The following CNGA3 variants were observed in gnomAD, a reference collection of about 807,000 sequenced individuals.
CNGA3 encodes cyclic nucleotide-gated channel alpha-3.
Under a neutral mutation model 46.6 loss-of-function variants are expected in CNGA3, and 42 were observed. The observed-to-expected ratio is 0.90, with a 90% CI of 0.70 to 1.17. The LOEUF is 1.17. Ranked by LOEUF, CNGA3 falls within the 50% of genes most tolerant of loss-of-function variation. The pLI, the probability that CNGA3 is intolerant of heterozygous loss-of-function variation, is 0.00. For missense variants in CNGA3, 893 were observed against 890.7 expected, an observed-to-expected ratio of 1.00 and a Z score of -0.03; for synonymous variants, 394 against 369.4, an observed-to-expected ratio of 1.07 and a Z score of -0.76.
chr2:98,356,104 A>C (rs1417947188), intron 1 of CNGA3: 1 of 152,216 alleles, frequency 6.6e-6, no homozygotes, highest in African/African-American at 2.4e-5. Flanking sequence ...TGCAGTTCTC[A>C]AGCAGGATGG....
intron 1 of CNGA3, among the ~76,000 whole-genome samples, chr2:98,367,591 A>G (rs1692193449): frequency 6.6e-6 from 1 of 152,064 alleles, no homozygotes; most frequent in African/African-American, 2.4e-5. Flanking sequence ...TTTTGCAGGC[A>G]TCTCAAACTG....
At chr2:98,388,672 C>T (rs1237028830) in intron 5 of CNGA3, among the ~76,000 whole-genome samples, 1 of 152,240 alleles carries the variant, frequency 6.6e-6, no homozygotes, top group East Asian at 1.9e-4. Context: ...GTGCCCCCCA[C>T]CCGAAGCATT....
intron 5 of CNGA3, among the ~76,000 whole-genome samples, chr2:98,388,535 A>G (rs144685603): frequency 1.3e-5 from 2 of 152,288 alleles, no homozygotes; most frequent in African/African-American, 4.8e-5. Context: ...GACCATGTGA[A>G]GCCCCCATCT....
At chr2:98,385,287 T>A (rs150804134) in intron 5 of CNGA3, among the ~76,000 whole-genome samples, 123 of 152,328 alleles carry the variant, frequency 8.1e-4, no homozygotes, top group African/African-American at 2.8e-3. Flanking sequence ...AAGACTCCAG[T>A]GCCTGAAAAG....
chr2:98,353,857 G>A (rs990506414), intron 1 of CNGA3, among the ~76,000 whole-genome samples: 1 of 152,182 alleles, frequency 6.6e-6, no homozygotes, highest in African/African-American at 2.4e-5. Context: ...GCACATCATG[G>A]CAGGAGTAGG....
At chr2:98,388,425 G>A (rs1692708567) in intron 5 of CNGA3, among the ~76,000 whole-genome samples, 1 of 152,230 alleles carries the variant, frequency 6.6e-6, no homozygotes. Context: ...GTATCTTGGA[G>A]CAACGCTATC....
intron 2 of CNGA3, among the ~76,000 whole-genome samples, chr2:98,370,876 G>C (rs1692270109): frequency 6.6e-6 from 1 of 152,154 alleles, no homozygotes. Flanking sequence ...CTGTCACCCA[G>C]ACTGGAGTGC....
intron 6 of CNGA3, 40 bp downstream of exon 6, chr2:98,389,814 A>G: frequency 6.5e-7 from 1 of 1,532,098 alleles, no homozygotes; most frequent in Non-Finnish European, 9.0e-7. Context: ...AAAGGGGGAA[A>G]CCAGGGCACC....
intron 1 of CNGA3, among the ~76,000 whole-genome samples, chr2:98,351,891 A>T (rs1691777625): frequency 6.6e-6 from 1 of 152,230 alleles, no homozygotes; most frequent in African/African-American, 2.4e-5. Context: ...TCACCCATTT[A>T]AAATGCACAT....
At chr2:98,358,783 AC>A (rs1691950327) in intron 1 of CNGA3, among the ~76,000 whole-genome samples, 2 of 152,170 alleles carry the variant, frequency 1.3e-5, no homozygotes, top group South Asian at 4.1e-4. Flanking sequence ...TCTTAAACTT[AC>A]ATTTCCCTTT....
intron 4 of CNGA3, among the ~76,000 whole-genome samples, chr2:98,380,815 T>G (rs1393930780): frequency 6.6e-6 from 1 of 152,118 alleles, no homozygotes; most frequent in Non-Finnish European, 1.5e-5. Context: ...TAGGCACGCG[T>G]GCATTTTTCT....
chr2:98,389,883 C>T (rs986361252), intron 6 of CNGA3, 109 bp downstream of exon 6: 21 of 756,740 alleles, frequency 2.8e-5, no homozygotes, highest in African/African-American at 1.4e-4. Context: ...GGACCCCTCA[C>T]GGCCACCACT....
chr2:98,373,002 T>C (rs900466163), intron 2 of CNGA3, among the ~76,000 whole-genome samples: 3 of 152,160 alleles, frequency 2.0e-5, no homozygotes, highest in African/African-American at 7.2e-5. Context: ...AAAGAGTGCT[T>C]CCTTTATGAA....
rs1196670430 is a variant in CNGA3, at chr2:98,397,176, T to G, written c.2006T>G (p.Val669Gly). 4 of 1,613,784 alleles carry G rather than the reference T, an allele frequency of 2.5e-6. No individual in the cohort carries two copies. In the South Asian group the frequency reaches 3.3e-5, roughly 13 times the overall value. The change falls in exon 8 of 8, where the codon GTG becomes GGG. Residue 669 changes from valine to glycine, a missense_variant. Transcript: ENST00000272602. ...KQRLSQLESQ[V>G]KGGGDKPLAD... ...CGTCTCAGCCAACTGGAAAGCCAGG[T>G]GAAGGGTGGTGGGGACAAGCCCCTG... is the stretch of plus-strand genomic sequence containing the variant.
chr2:98,352,555 A>G (rs1375541199), intron 1 of CNGA3, among the ~76,000 whole-genome samples: 1 of 152,120 alleles, frequency 6.6e-6, no homozygotes, highest in African/African-American at 2.4e-5. Flanking sequence ...GGTTAATTGT[A>G]TGTATCATCT....
chr2:98,366,666 G>C (rs1444865441), intron 1 of CNGA3, among the ~76,000 whole-genome samples: 2 of 152,202 alleles, frequency 1.3e-5, no homozygotes, highest in Non-Finnish European at 2.9e-5. Context: ...GTCTGGCCAC[G>C]ATCTGCCACA....
chr2:98,381,873 CA>C (rs1692546360), intron 4 of CNGA3, among the ~76,000 whole-genome samples: 1 of 151,994 alleles, frequency 6.6e-6, no homozygotes, highest in Admixed American at 6.5e-5. Flanking sequence ...AGAAAGAGGA[CA>C]AAGTGGGGAA....
intron 4 of CNGA3, among the ~76,000 whole-genome samples, chr2:98,381,301 G>A (rs1692532683): frequency 6.6e-6 from 1 of 152,162 alleles, no homozygotes; most frequent in South Asian, 2.1e-4. Flanking sequence ...TGGGGGGTGG[G>A]AAAAGGGGAT....
At chr2:98,378,112 C>T in intron 3 of CNGA3, 1 of 1,550,836 alleles carries the variant, frequency 6.4e-7, no homozygotes, top group Admixed American at 2.0e-5. Flanking sequence ...GAGCAGCCAG[C>T]CGTGGGAGAC....
Sources: gnomAD v4.1 joint callset for allele counts (sites outside exome capture counted in the v4.1 genomes callset) on GRCh38, gnomAD v4.1.1 for gene constraint, MANE v1.5 for transcripts, NCBI Gene and HGNC (gene_info 2026-07-23, HGNC 2026-07-21) for gene names.